The following SHROOM4 variants were observed in gnomAD, a reference collection of about 807,000 sequenced individuals.
SHROOM4 encodes shroom family member 4.
A neutral mutation model predicts 80.3 loss-of-function variants in SHROOM4; 17 were observed. The ratio of observed to expected loss-of-function variants is 0.21; its 90% CI spans 0.14 to 0.32. SHROOM4 has a LOEUF of 0.32. Among genes scored for constraint, SHROOM4 ranks in the 10% least tolerant of loss-of-function variants. SHROOM4 has a pLI of 1.00. For synonymous variants in SHROOM4, 400 were observed against 437.5 expected, an observed-to-expected ratio of 0.91 and a Z score of 1.07; for missense variants, 993 against 1,140.3, an observed-to-expected ratio of 0.87 and a Z score of 1.86.
chrX:50,639,626 C>G (rs969936966), intron 2 of SHROOM4, among the ~76,000 whole-genome samples: 1 of 111,505 alleles, frequency 9.0e-6, no homozygotes, highest in African/African-American at 3.3e-5. Flanking sequence ...AACAAGCTGG[C>G]TATATCGTGA....
chrX:50,672,295 G>GA (rs1257830018), intron 2 of SHROOM4, among the ~76,000 whole-genome samples: 6 of 111,692 alleles, frequency 5.4e-5, no homozygotes, highest in African/African-American at 2.0e-4. Flanking sequence ...CATGCTATTG[G>GA]AAAAATGGTG....
intron 1 of SHROOM4, among the ~76,000 whole-genome samples, chrX:50,762,326 T>C (rs1004390158): frequency 2.7e-5 from 3 of 112,491 alleles, no homozygotes; most frequent in Non-Finnish European, 5.6e-5. Flanking sequence ...CAGCCTACTC[T>C]GTGCTGTCAT....
At chrX:50,646,716 C>T (rs1327266321) in intron 2 of SHROOM4, among the ~76,000 whole-genome samples, 2 of 109,581 alleles carry the variant, frequency 1.8e-5, no homozygotes, top group African/African-American at 6.7e-5. Context: ...CCCTCCTCTC[C>T]CCACCTCCTC....
Position 50,633,482 on chromosome X carries a change from T to C in SHROOM4, c.2591A>G (p.Lys864Arg), listed in dbSNP as rs1931161642. Residue 864 changes from lysine to arginine, a missense_variant, in exon 4 of 9, where the codon AAA (lysine) becomes AGA (arginine). Physicochemically the swap from Lys to Arg is conservative, Grantham distance 26. Coordinates refer to ENST00000376020, the MANE Select transcript of SHROOM4 (RefSeq NM_020717.5). ...ACAACACATGGAATTTTCTAGACCT[T>C]TGCTTGCAAAACATTCTGAGTAAGT... ...TPTYSECFAS[K>R]GLENSMCCKP... is the part of the protein sequence containing the mutation. The C allele has an allele frequency of 1.7e-6, 2 of 1,209,986 alleles. No individual in the cohort carries two copies. The highest frequency in any genetic ancestry group is 1.1e-6 in the Non-Finnish European group (1 of 895,254).
intron 1 of SHROOM4, among the ~76,000 whole-genome samples, chrX:50,707,790 A>T (rs1307582301): frequency 9.0e-6 from 1 of 111,381 alleles, no homozygotes; most frequent in African/African-American, 3.3e-5. Flanking sequence ...TGCTGAGACA[A>T]ACTGCCTGGC....
At chrX:50,757,748 G>T (rs1002382747) in intron 1 of SHROOM4, among the ~76,000 whole-genome samples, 1 of 109,250 alleles carries the variant, frequency 9.2e-6, no homozygotes, top group Non-Finnish European at 1.9e-5. Context: ...GCTTGAACCC[G>T]GGAGGTGGAG....
chrX:50,659,508 G>A (rs1055506356), intron 2 of SHROOM4, among the ~76,000 whole-genome samples: 1 of 111,791 alleles, frequency 8.9e-6, no homozygotes, highest in Non-Finnish European at 1.9e-5. Flanking sequence ...GAGTGGGGAG[G>A]AGAATTAGTT....
At chrX:50,675,077 G>A (rs1932838521) in intron 2 of SHROOM4, among the ~76,000 whole-genome samples, 1 of 111,752 alleles carries the variant, frequency 8.9e-6, no homozygotes, top group African/African-American at 3.3e-5. Context: ...TGTATTCAGG[G>A]AACGGTTAAT....
At chrX:50,656,968 G>T (rs192475876) in intron 2 of SHROOM4, among the ~76,000 whole-genome samples, 199 of 110,169 alleles carry the variant, frequency 1.8e-3, no homozygotes, top group African/African-American at 6.0e-3. Flanking sequence ...TTAGTATACA[G>T]ATTTTTACCT....
chrX:50,632,533 C>T (rs1045485808), intron 4 of SHROOM4, among the ~76,000 whole-genome samples: 8 of 111,678 alleles, frequency 7.2e-5, no homozygotes, highest in African/African-American at 2.6e-4. Flanking sequence ...ATAAGAGCAG[C>T]CAGTTTAGAC....
chrX:50,758,541 C>G (rs782722085), intron 1 of SHROOM4, among the ~76,000 whole-genome samples: 1 of 112,153 alleles, frequency 8.9e-6, no homozygotes, highest in East Asian at 2.8e-4. Context: ...GTTAAAACAG[C>G]CTTGCATTCC....
At chrX:50,715,106 A>T (rs1487489299) in intron 1 of SHROOM4, among the ~76,000 whole-genome samples, 1 of 111,487 alleles carries the variant, frequency 9.0e-6, no homozygotes, top group Non-Finnish European at 1.9e-5. Context: ...CTTTGCTTAT[A>T]TATGTTTCTA....
In SHROOM4 at chrX:50,651,766, C is replaced by T. The variant is rs188427996; in HGVS notation, c.270-13458G>A. Among the ~76,000 whole-genome samples, 947 of 106,269 alleles carry T rather than the reference C, an allele frequency of 8.9e-3. 6 individuals carry two copies. Among genetic ancestry groups the T allele is most frequent in the Non-Finnish European group, 0.015 (751 of 51,664 alleles). 92.3% of individuals were successfully genotyped at this position (106,269 alleles called of 115,157 possible). ...ACCCCCGACATGCCCCAGTGTGTGACATTCCCCTCCCAGTGTCCATGTGTT... is the reference window on the plus strand; with the variant it reads ...ACCCCCGACATGCCCCAGTGTGTGATATTCCCCTCCCAGTGTCCATGTGTT... On this transcript the variant is annotated intron_variant, in intron 2 of 8. Transcript: ENST00000376020.
intron 1 of SHROOM4, among the ~76,000 whole-genome samples, chrX:50,753,100 G>T (rs1602488414): frequency 8.9e-6 from 1 of 111,959 alleles, no homozygotes; most frequent in East Asian, 2.8e-4. Flanking sequence ...TTCTTTGTTG[G>T]TCTTTCCTCT....
chrX:50,623,275 C>T (rs1324495998), intron 5 of SHROOM4, among the ~76,000 whole-genome samples: 1 of 111,148 alleles, frequency 9.0e-6, no homozygotes, highest in Admixed American at 9.6e-5. Flanking sequence ...GCAACATCCG[C>T]GTCCCAGATT....
At chrX:50,622,685 G>C (rs1930623671) in intron 5 of SHROOM4, among the ~76,000 whole-genome samples, 2 of 111,717 alleles carry the variant, frequency 1.8e-5, no homozygotes. Flanking sequence ...TAAAATTTGT[G>C]TGTGTGGTGG....
intron 5 of SHROOM4, among the ~76,000 whole-genome samples, chrX:50,620,206 C>A (rs1396095297): frequency 8.9e-6 from 1 of 111,859 alleles, no homozygotes; most frequent in Non-Finnish European, 1.9e-5. Flanking sequence ...ACATTCATAT[C>A]CAACTATTTA....
chrX:50,618,399 CCTTCCTTCCTTCCTTCCTTCCTTT>C (rs1930406015), intron 5 of SHROOM4, among the ~76,000 whole-genome samples: 5 of 77,782 alleles, frequency 6.4e-5, no homozygotes, highest in African/African-American at 2.0e-4. Context: ...TTCCTTCCTT[CCTTCCTTCCTTCCTTCCTTCCTTT>C]CTTATTTTTG....
rs782501822 is a variant in SHROOM4 at position 50,587,564 on chromosome X, C to T, written c.*9131G>A. 4.5e-5 allele frequency among the ~76,000 whole-genome samples: 5 copies of T among 112,175 alleles called. No individual in the cohort carries two copies. The highest frequency in any genetic ancestry group is 9.4e-5 in the Non-Finnish European group (5 of 53,189). On this transcript the variant is annotated 3_prime_UTR_variant, in exon 9 of 9. Coordinates refer to ENST00000376020, the MANE Select transcript of SHROOM4 (RefSeq NM_020717.5). Reference sequence around the variant, plus strand: ...GAAGAAATCAAGGAAGAATGTTTCGCATTGCCATACCAGGGTAAAAAGTGA... The same window carrying T: ...GAAGAAATCAAGGAAGAATGTTTCGTATTGCCATACCAGGGTAAAAAGTGA...
Sources: allele counts gnomAD v4.1 joint callset (sites outside exome capture counted in the v4.1 genomes callset), GRCh38; gene constraint gnomAD v4.1.1; transcripts MANE v1.5; gene names NCBI Gene and HGNC (gene_info 2026-07-23, HGNC 2026-07-21).